The following PDGFRL variants were observed in gnomAD, a reference collection of about 807,000 sequenced individuals.
PDGFRL encodes the protein platelet-derived growth factor receptor-like protein.
Under a neutral mutation model 37.2 loss-of-function variants are expected in PDGFRL, and 46 were observed. That is an observed-to-expected ratio of 1.24 (90% CI 0.98 to 1.58). The LOEUF (loss-of-function observed/expected upper bound fraction) is 1.58, where lower values mean the gene tolerates loss of function less well. Among genes scored for constraint, PDGFRL ranks in the 40% most tolerant of loss-of-function variants. The probability of loss-of-function intolerance (pLI) is 0.00; values close to 1 mark genes in which losing one functional copy is unlikely to be tolerated. For missense variants in PDGFRL, 692 were observed against 467.6 expected (o/e 1.48, Z -4.43); for synonymous variants, 251 against 184.3 (o/e 1.36, Z -2.93).
chr8:17,594,625 G>C (rs962901299), intron 2 of PDGFRL, among the ~76,000 whole-genome samples: 2 of 151,854 alleles, frequency 1.3e-5, no homozygotes, highest in African/African-American at 2.4e-5. Context: ...TGCGATCTCA[G>C]CTCACGGCAA....
In PDGFRL at chr8:17,603,207, C is replaced by T. The variant is rs1015848616; in HGVS notation, c.353+13442C>T. ...CGATGTTGGCCAGGCTTGTGTTGAA[C>T]TGTTGACCTCAAGTGATCCACCCAC... On this transcript the variant is annotated intron_variant, in intron 2 of 5. Coordinates refer to ENST00000251630, the MANE Select transcript of PDGFRL (RefSeq NM_001372073.1). 9.2e-5 allele frequency among the ~76,000 whole-genome samples: 14 copies of T among 152,144 alleles called. No individual in the cohort carries two copies. In the East Asian group the frequency reaches 1.2e-3, roughly 13 times the overall value.
At chr8:17,593,623 A>T (rs1803989723) in intron 2 of PDGFRL, among the ~76,000 whole-genome samples, 1 of 146,562 alleles carries the variant, frequency 6.8e-6, no homozygotes, top group South Asian at 2.2e-4. Context: ...TTCTTGGCAT[A>T]GTGACTCATG....
intron 2 of PDGFRL, among the ~76,000 whole-genome samples, chr8:17,608,446 C>G (rs1361185225): frequency 6.6e-6 from 1 of 152,088 alleles, no homozygotes; most frequent in African/African-American, 2.4e-5. Flanking sequence ...CGTTTATTTA[C>G]CCAGGTGGCT....
chr8:17,624,964 C>G (rs1046312326), intron 3 of PDGFRL, among the ~76,000 whole-genome samples: 2 of 149,574 alleles, frequency 1.3e-5, no homozygotes, highest in East Asian at 4.0e-4. Flanking sequence ...TGTTAACTTG[C>G]ATTTATTTAT....
At chr8:17,592,916 GCACACACACA>G (rs140137425) in intron 2 of PDGFRL, among the ~76,000 whole-genome samples, 13 of 29,584 alleles carry the variant, frequency 4.4e-4, no homozygotes, top group East Asian at 1.9e-3. Context: ...CCACATACAT[GCACACACACA>G]CACACACACA....
rs533401264 is a variant in PDGFRL, at chr8:17,631,893, G to C, written c.800-2181G>C. ...CAGGCACCCTTCTTTCCCACTCCTT[G>C]TTCTGTCCCTGGGCCAGCTTCACAT... On this transcript the variant is annotated intron_variant, in intron 4 of 5. Transcript: ENST00000251630. Among the ~76,000 whole-genome samples the C allele has an allele frequency of 2.0e-4, 30 of 152,246 alleles. No homozygotes were observed. The East Asian group carries it at 5.2e-3, about 27-fold the overall frequency.
intron 4 of PDGFRL, 34 bp from the exon 5 acceptor site, chr8:17,634,040 G>C (rs780960127): frequency 5.0e-6 from 8 of 1,609,004 alleles, no homozygotes; most frequent in Non-Finnish European, 6.0e-6. Context: ...TTACACTCGG[G>C]GTCTCACTCT....
chr8:17,641,468 C>T (rs1340556061), intron 5 of PDGFRL, among the ~76,000 whole-genome samples: 1 of 152,198 alleles, frequency 6.6e-6, no homozygotes, highest in Non-Finnish European at 1.5e-5. Context: ...GCTCTTTCTG[C>T]TGCTCCTTTC....
intron 5 of PDGFRL, among the ~76,000 whole-genome samples, chr8:17,637,815 G>C (rs984809827): frequency 3.3e-5 from 5 of 152,054 alleles, no homozygotes; most frequent in Non-Finnish European, 7.4e-5. Context: ...ATAATTCCAG[G>C]AATTTATCCA....
rs770779669 is a variant in PDGFRL, at chr8:17,590,236, CAAA to C, written c.353+489_353+491del. 3.1e-3 allele frequency among the ~76,000 whole-genome samples: 112 copies of C among 35,612 alleles called. 4 individuals are homozygous for C. The highest frequency in any genetic ancestry group is 0.021 in the Middle Eastern group (1 of 48). The allele number at this position is 35,612 out of a possible 152,430, so 23.4% of individuals were successfully genotyped here. Reference sequence around the variant, plus strand: ...GGTGACAGAGAGCGAGACTCCATCTCAAAAAAAAAAAAAAAAAAAATTGCAAAT... The same window carrying C: ...GGTGACAGAGAGCGAGACTCCATCTCAAAAAAAAAAAAAAAAATTGCAAAT... On this transcript the variant is annotated intron_variant, in intron 2 of 5. Coordinates refer to ENST00000251630, the MANE Select transcript of PDGFRL (RefSeq NM_001372073.1).
intron 2 of PDGFRL, among the ~76,000 whole-genome samples, chr8:17,610,799 T>C (rs990010958): frequency 6.6e-6 from 1 of 152,012 alleles, no homozygotes; most frequent in African/African-American, 2.4e-5. Context: ...TAGTCTCAGG[T>C]ACTCAGGAGG....
intron 2 of PDGFRL, among the ~76,000 whole-genome samples, chr8:17,619,989 G>A (rs1053440219): frequency 2.0e-5 from 3 of 152,216 alleles, no homozygotes; most frequent in Admixed American, 1.3e-4. Flanking sequence ...TAGAGACAGG[G>A]TCTTGCTCTG....
At chr8:17,606,087 G>C (rs934547356) in intron 2 of PDGFRL, among the ~76,000 whole-genome samples, 1 of 152,178 alleles carries the variant, frequency 6.6e-6, no homozygotes, top group East Asian at 1.9e-4. Context: ...TATCTTAAGT[G>C]GTTATCAACA....
Position 17,612,526 on chromosome 8 carries a change from A to G in PDGFRL, c.354-8525A>G, listed in dbSNP as rs565381464. 3.9e-5 allele frequency among the ~76,000 whole-genome samples: 6 copies of G among 152,072 alleles called. No homozygotes were observed. The South Asian group carries it at 1.2e-3, about 32-fold the overall frequency. On this transcript the variant is annotated intron_variant, in intron 2 of 5. Transcript: ENST00000251630. ...GCTGAGATTACAAGCACCTGCCACC[A>G]TACCCGGGTAATTTTTGCATTTTTA...
At chr8:17,637,897 G>T (rs1335680921) in intron 5 of PDGFRL, among the ~76,000 whole-genome samples, 1 of 148,296 alleles carries the variant, frequency 6.7e-6, no homozygotes, top group Admixed American at 6.8e-5. Flanking sequence ...TTGTATTTCT[G>T]TGGTATTGGT....
intron 2 of PDGFRL, among the ~76,000 whole-genome samples, chr8:17,612,515 C>T (rs1382310397): frequency 1.3e-5 from 2 of 152,070 alleles, no homozygotes; most frequent in African/African-American, 2.4e-5. Context: ...AGATTACAAG[C>T]ACCTGCCACC....
chr8:17,636,559 T>C (rs1717651856), intron 5 of PDGFRL, among the ~76,000 whole-genome samples: 2 of 10,142 alleles, frequency 2.0e-4, no homozygotes. Context: ...CCTCTAGATT[T>C]GTTTTTTTTT....
chr8:17,586,952 A>T (rs3780113), intron 1 of PDGFRL, among the ~76,000 whole-genome samples: 2 of 152,272 alleles, frequency 1.3e-5, no homozygotes, highest in Admixed American at 1.3e-4. Flanking sequence ...CAAAAATTCA[A>T]TGGTAATGGA....
In PDGFRL at chr8:17,631,043, C is replaced by A. The variant is rs569286500; in HGVS notation, c.799+2263C>A. On this transcript the variant is annotated intron_variant, in intron 4 of 5. Transcript: ENST00000251630. The stretch of plus-strand genomic sequence containing the variant: ...GACACAGTCTGGGCCCTCTTTACTT[C>A]TCGAAGTCCCCCACCCTGCCATCTT... 3.3e-5 allele frequency among the ~76,000 whole-genome samples: 5 copies of A among 152,240 alleles called. No individual in the cohort carries two copies. The East Asian group carries it at 9.7e-4, about 30-fold the overall frequency.
Sources: gnomAD v4.1 joint callset for allele counts (sites outside exome capture counted in the v4.1 genomes callset) on GRCh38, gnomAD v4.1.1 for gene constraint, MANE v1.5 for transcripts, NCBI Gene and HGNC (gene_info 2026-07-23, HGNC 2026-07-21) for gene names.